The following CLEC18B variants were observed in gnomAD, a reference collection of about 807,000 sequenced individuals.
CLEC18B encodes the protein mannose receptor-like 2.
CLEC18B carries 5 observed loss-of-function variants against 60.4 expected under a neutral mutation model. The observed-to-expected ratio is 0.08, with a 90% CI of 0.04 to 0.17. The LOEUF (loss-of-function observed/expected upper bound fraction) is 0.17, where lower values mean the gene tolerates loss of function less well. Ranked by LOEUF, CLEC18B falls within the 10% of genes least tolerant of loss-of-function variation. The pLI is 1.00. For missense variants in CLEC18B, 26 were observed against 572.8 expected (o/e 0.05, Z 9.74); for synonymous variants, 16 against 221.2 (o/e 0.07, Z 8.23).
At chr16:74,422,752 C>T (rs1486060105), upstream of CLEC18B, among the ~76,000 whole-genome samples, 4 of 152,180 alleles carry the variant, frequency 2.6e-5, no homozygotes, top group Admixed American at 6.6e-5. Flanking sequence ...GCAGCCTTGA[C>T]CTCTTGGGCC....
chr16:74,414,316 C>A (rs2013327850), intron 3 of CLEC18B, among the ~76,000 whole-genome samples: 1 of 152,296 alleles, frequency 6.6e-6, no homozygotes, highest in African/African-American at 2.4e-5. Flanking sequence ...CACAACCATT[C>A]ATTTCTTGCA....
At chr16:74,416,211 C>A (rs1428850020) in intron 3 of CLEC18B, among the ~76,000 whole-genome samples, 1 of 147,618 alleles carries the variant, frequency 6.8e-6, no homozygotes, top group Non-Finnish European at 1.5e-5. Flanking sequence ...TGCAGTGAGC[C>A]GAGATCGCAC....
chr16:74,421,698 G>C (rs1444225967), upstream of CLEC18B: 2 of 314,636 alleles, frequency 6.4e-6, no homozygotes, highest in Non-Finnish European at 1.2e-5. Context: ...AGTGTCCTCC[G>C]AGCCCACTGA....
chr16:74,424,142 GCTGATAC>G (rs1336701558), upstream of CLEC18B, among the ~76,000 whole-genome samples: 2 of 152,174 alleles, frequency 1.3e-5, no homozygotes, highest in South Asian at 4.1e-4. Context: ...CTCATGCATA[GCTGATAC>G]CTCTTCTCCC....
intron 1 of CLEC18B, among the ~76,000 whole-genome samples, chr16:74,420,916 C>T (rs1413623388): frequency 1.7e-5 from 2 of 117,898 alleles, no homozygotes; most frequent in African/African-American, 6.2e-5. Flanking sequence ...CGCTCCTCGG[C>T]GTTCCTCCTT....
At chr16:74,424,117 C>A (rs1339982708), upstream of CLEC18B, among the ~76,000 whole-genome samples, 8 of 152,334 alleles carry the variant, frequency 5.3e-5, no homozygotes, top group Non-Finnish European at 7.3e-5. Context: ...CTCTATCTAT[C>A]CCACCCCTCT....
At chr16:74,423,676 G>A (rs2549235), upstream of CLEC18B, among the ~76,000 whole-genome samples, 12 of 150,246 alleles carry the variant, frequency 8.0e-5, no homozygotes, top group African/African-American at 2.4e-4. Flanking sequence ...GCAACAGAGC[G>A]AGACTCTGTC....
chr16:74,413,545 C>G, intron 4 of CLEC18B, 34 bp downstream of exon 4: 1 of 1,614,062 alleles, frequency 6.2e-7, no homozygotes, highest in East Asian at 2.2e-5. Flanking sequence ...CCCTGTCTCC[C>G]AGACATCCCA....
upstream of CLEC18B, chr16:74,422,405 C>T (rs1320295254): frequency 6.6e-5 from 10 of 151,920 alleles, no homozygotes; most frequent in East Asian, 5.8e-4. Flanking sequence ...CCTCTCGGAG[C>T]GGGGTTCCAA....
chr16:74,418,951 A>G (rs878978598), intron 2 of CLEC18B, among the ~76,000 whole-genome samples: 3 of 152,024 alleles, frequency 2.0e-5, no homozygotes, highest in African/African-American at 7.3e-5. Context: ...GTGACACCAC[A>G]CCTGGCTAAT....
intron 4 of CLEC18B, 103 bp downstream of exon 4, chr16:74,413,476 T>C: frequency 6.4e-7 from 1 of 1,556,854 alleles, no homozygotes; most frequent in Non-Finnish European, 8.8e-7. Flanking sequence ...GAGCAAGGCA[T>C]CAGGGACTCT....
intron 6 of CLEC18B, chr16:74,412,553 AGG>A (rs2013218104): frequency 7.5e-7 from 1 of 1,339,446 alleles, no homozygotes; most frequent in African/African-American, 1.4e-5. Context: ...CCAGAGCCTA[AGG>A]GGCTGAACCT....
At chr16:74,416,337 C>T (rs1367956042) in intron 3 of CLEC18B, among the ~76,000 whole-genome samples, 2 of 151,930 alleles carry the variant, frequency 1.3e-5, no homozygotes, top group Non-Finnish European at 2.9e-5. Context: ...GCACAGTTGG[C>T]GTAAGCACTT....
intron 3 of CLEC18B, 120 bp from the exon 4 acceptor site, chr16:74,413,796 C>T: frequency 3.2e-6 from 5 of 1,573,298 alleles, no homozygotes; most frequent in Non-Finnish European, 4.4e-6. Flanking sequence ...GGCTCAGGAG[C>T]AGCAGCTGTC....
At chr16:74,418,863 G>A (rs2013545374) in intron 2 of CLEC18B, among the ~76,000 whole-genome samples, 2 of 146,242 alleles carry the variant, frequency 1.4e-5, no homozygotes, top group South Asian at 2.2e-4. Flanking sequence ...GAGAAATCCC[G>A]GCTTACTGCA....
intron 2 of CLEC18B, among the ~76,000 whole-genome samples, chr16:74,419,052 C>A (rs570122750): frequency 6.6e-6 from 1 of 152,358 alleles, no homozygotes; most frequent in African/African-American, 2.4e-5. Context: ...GTGTCAGCCT[C>A]CCAGAGTGCT....
At chr16:74,409,387 C>T (rs1290574072) in intron 11 of CLEC18B, among the ~76,000 whole-genome samples, 163 bp downstream of exon 11, 2 of 149,980 alleles carry the variant, frequency 1.3e-5, no homozygotes, top group Non-Finnish European at 2.9e-5. Context: ...CCTCTGGGCT[C>T]AGGAGCCCAC....
chr16:74,421,366 G>T lies in CLEC18B; in HGVS notation c.-96C>A, dbSNP rs2013679929. ...ATGGAGCTATTCACAATCTCCAGGA[G>T]TCAGGCTGGGCTGGTGGACAAAAGA... On this transcript the variant is annotated 5_prime_UTR_variant, in exon 1 of 12. Coordinates refer to ENST00000682950, the MANE Select transcript of CLEC18B (RefSeq NM_001385193.1). 6.2e-7 allele frequency: 1 copy of T among 1,604,476 alleles called. No homozygotes were observed. The highest frequency in any genetic ancestry group is 8.5e-7 in the Non-Finnish European group (1 of 1,176,858).
In CLEC18B at chr16:74,413,504, T is replaced by A; in HGVS notation, c.554+75A>T. The A allele has an allele frequency of 1.9e-6, 3 of 1,610,018 alleles. No individual in the cohort carries two copies. In the South Asian group the frequency reaches 3.3e-5, roughly 18 times the overall value. ...GGGACTCTACTTTCGGGTGGATGTG[T>A]GGGAATCTCACCCTCGGTGAAAGCA... On this transcript the variant is annotated intron_variant, in intron 4 of 11. Coordinates refer to ENST00000682950, the MANE Select transcript of CLEC18B (RefSeq NM_001385193.1).
Sources: allele counts gnomAD v4.1 joint callset (sites outside exome capture counted in the v4.1 genomes callset), GRCh38; gene constraint gnomAD v4.1.1; transcripts MANE v1.5; gene names NCBI Gene and HGNC (gene_info 2026-07-23, HGNC 2026-07-21).